Variants in TMTC2 observed in about 807,000 individuals in gnomAD.
TMTC2 encodes the protein protein O-mannosyl-transferase TMTC2.
A neutral mutation model predicts 82.4 loss-of-function variants in TMTC2; 43 were observed. That is an observed-to-expected ratio of 0.52 (90% confidence interval 0.41 to 0.67). The LOEUF is 0.67. Ranked by LOEUF, TMTC2 falls within the 30% of genes least tolerant of loss-of-function variation. The pLI is 0.00. For synonymous variants in TMTC2, 408 were observed against 381.9 expected (o/e 1.07, Z -0.80); for missense variants, 919 against 1,012.4 (o/e 0.91, Z 1.25).
chr12:82,854,330 A>G (rs1291157301), intron 1 of TMTC2, among the ~76,000 whole-genome samples: 2 of 152,178 alleles, frequency 1.3e-5, no homozygotes, highest in East Asian at 3.9e-4. Context: ...GTCTTTTGTA[A>G]CAGGGACTGA....
rs763837553 is a variant in TMTC2, at chr12:82,896,155, C to T, written c.992C>T (p.Pro331Leu). 4.3e-6 allele frequency: 7 copies of T among 1,613,792 alleles called. No individual in the cohort carries two copies. Among genetic ancestry groups the T allele is most frequent in the Non-Finnish European group, 5.1e-6 (6 of 1,179,996 alleles). The change falls in exon 3 of 12, where the codon CCG (proline) becomes CTG (leucine). Residue 331 changes from proline (P) to leucine (L), a missense_variant. Physicochemically the swap from Pro to Leu is moderately conservative, Grantham distance 98 (BLOSUM62 -3). Transcript: ENST00000321196. ...CTTGCCTACTATGGTTTGAAGAGCC[C>T]GAGCGTAGACAGAGAATGCAATGGG... ...LLLAYYGLKS[P>L]SVDRECNGKT...
At chr12:83,114,260 T>TA (rs140864860) in intron 11 of TMTC2, among the ~76,000 whole-genome samples, 25,032 of 149,082 alleles carry the variant, frequency 0.17, 2,289 homozygotes, top group Middle Eastern at 0.26. Context: ...AAATCCCTTG[T>TA]AAAAAAAAAA....
chr12:83,031,098 G>A (rs1881412410), intron 9 of TMTC2, among the ~76,000 whole-genome samples: 1 of 151,994 alleles, frequency 6.6e-6, no homozygotes, highest in South Asian at 2.1e-4. Context: ...ATTTTAACAG[G>A]GATGGCATTA....
chr12:82,699,825 C>T (rs1214075207), intron 1 of TMTC2, among the ~76,000 whole-genome samples: 1 of 152,102 alleles, frequency 6.6e-6, no homozygotes, highest in East Asian at 1.9e-4. Flanking sequence ...CTATTATAGC[C>T]AGCCCTCCAC....
At chr12:82,849,521 A>G (rs889581174) in intron 1 of TMTC2, among the ~76,000 whole-genome samples, 1 of 152,146 alleles carries the variant, frequency 6.6e-6, no homozygotes, top group Non-Finnish European at 1.5e-5. Context: ...GAGCAAAACC[A>G]TAAGAAGCTG....
chr12:82,778,843 C>T (rs1429812266), intron 1 of TMTC2, among the ~76,000 whole-genome samples: 14 of 100,044 alleles, frequency 1.4e-4, no homozygotes, highest in Non-Finnish European at 1.9e-4. Context: ...AGCGAGACTC[C>T]GTCTCAAAAA....
chr12:82,743,011 TGTTAGGAAATTTTTTCTGCAGTTGCAATA>T (rs1279525871), intron 1 of TMTC2, among the ~76,000 whole-genome samples: 6 of 151,998 alleles, frequency 3.9e-5, no homozygotes, highest in Non-Finnish European at 7.4e-5. Flanking sequence ...TTGCTGTCTT[TGTTAGGAAATTTTTTCTGCAGTTGCAATA>T]GTAGCTGTGT....
chr12:82,899,902 G>GGAATATAGATATGTAGGAATA (rs1873903899), intron 3 of TMTC2, among the ~76,000 whole-genome samples: 1 of 119,258 alleles, frequency 8.4e-6, no homozygotes, highest in African/African-American at 3.9e-5. Context: ...ATGTAGGAAT[G>GGAATATAGATATGTAGGAATA]TATATACATA....
chr12:82,780,783 A>AAATGTCCTATATAGTTTTACGATTG (rs149924700), intron 1 of TMTC2, among the ~76,000 whole-genome samples: 32,194 of 151,758 alleles, frequency 0.21, 3,825 homozygotes, highest in Middle Eastern at 0.35. Context: ...ATTTAAATAA[A>AAATGTCCTATATAGTTTTACGATTG]ATTTCTCAAC....
At chr12:82,851,867 C>G (rs1870993383) in intron 1 of TMTC2, among the ~76,000 whole-genome samples, 1 of 150,920 alleles carries the variant, frequency 6.6e-6, no homozygotes, top group Admixed American at 6.6e-5. Flanking sequence ...CTGGTCATTA[C>G]TTACATGGGT....
At chr12:82,895,700 G>A (rs757993120) in intron 2 of TMTC2, 118 bp from the exon 3 acceptor site, 10 of 886,696 alleles carry the variant, frequency 1.1e-5, no homozygotes, top group Non-Finnish European at 1.6e-5. Flanking sequence ...ATGTTTTGGA[G>A]ACATCATGCT....
At chr12:82,715,865 A>G (rs1158904582) in intron 1 of TMTC2, among the ~76,000 whole-genome samples, 1 of 152,198 alleles carries the variant, frequency 6.6e-6, no homozygotes, top group African/African-American at 2.4e-5. Context: ...CTGCTGTAAA[A>G]GGTTCCCTGT....
chr12:82,897,750 C>T (rs1028457992), intron 3 of TMTC2, among the ~76,000 whole-genome samples: 1 of 152,124 alleles, frequency 6.6e-6, no homozygotes, highest in Admixed American at 6.5e-5. Context: ...GGTCTCAACT[C>T]CTGACCTTAG....
intron 9 of TMTC2, among the ~76,000 whole-genome samples, chr12:83,035,839 A>G (rs1881640783): frequency 6.6e-6 from 1 of 152,130 alleles, no homozygotes; most frequent in South Asian, 2.1e-4. Context: ...TACATTATAA[A>G]CCTTTAGTGT....
intron 1 of TMTC2, among the ~76,000 whole-genome samples, chr12:82,839,064 A>C (rs753546361): frequency 6.6e-6 from 1 of 152,318 alleles, no homozygotes; most frequent in African/African-American, 2.4e-5. Context: ...GCAGAGTGCC[A>C]GTTCACTGGA....
rs942250037 is a variant in TMTC2, at chr12:82,986,012, C to T, written c.2036C>T (p.Ala679Val). The part of the protein sequence containing the change: ...SLRSKTDHIP[A>V]HLTYGKLLAL... ...AGATCCAAGACTGACCACATCCCTG[C>T]TCATCTCACCTATGGGAAGCTGCTA... Residue 679 changes from alanine to valine, a missense_variant, in exon 8 of 12, where the codon GCT becomes GTT. Coordinates refer to ENST00000321196, the MANE Select transcript of TMTC2 (RefSeq NM_152588.3). The T allele has an allele frequency of 3.1e-5, 50 of 1,613,898 alleles. No individual in the cohort carries two copies. Among genetic ancestry groups the T allele is most frequent in the Non-Finnish European group, 3.8e-5 (45 of 1,179,926 alleles).
chr12:83,051,139 T>C (rs1882330023), intron 10 of TMTC2, 121 bp downstream of exon 10: 1 of 653,144 alleles, frequency 1.5e-6, no homozygotes, highest in Non-Finnish European at 2.5e-6. Context: ...GCTGCTTAAC[T>C]ATGTAAAAAA....
At chr12:83,128,260 T>A (rs570787618) in intron 11 of TMTC2, among the ~76,000 whole-genome samples, 1 of 152,292 alleles carries the variant, frequency 6.6e-6, no homozygotes, top group East Asian at 1.9e-4. Flanking sequence ...CAACAGCCAG[T>A]TACCTGAAAT....
intron 2 of TMTC2, among the ~76,000 whole-genome samples, chr12:82,873,425 A>G (rs1872319293): frequency 6.6e-6 from 1 of 152,068 alleles, no homozygotes; most frequent in Non-Finnish European, 1.5e-5. Context: ...TAATCAGGAT[A>G]TCTTCTTTGG....
Sources: allele counts gnomAD v4.1 joint callset (sites outside exome capture counted in the v4.1 genomes callset), GRCh38; gene constraint gnomAD v4.1.1; transcripts MANE v1.5; gene names NCBI Gene and HGNC (gene_info 2026-07-23, HGNC 2026-07-21).